Variants in MACROD2 observed in about 807,000 individuals in gnomAD.
MACROD2 encodes mono-ADP ribosylhydrolase 2.
Under a neutral mutation model 70.4 loss-of-function variants are expected in MACROD2, and 36 were observed. The observed-to-expected ratio is 0.51, with a 90% confidence interval of 0.39 to 0.68. The LOEUF (loss-of-function observed/expected upper bound fraction) is 0.68. Ranked by LOEUF, MACROD2 falls within the 30% of genes least tolerant of loss-of-function variation. The pLI, the probability that MACROD2 is intolerant of heterozygous loss-of-function variation, is 0.00. For missense variants in MACROD2, 496 were observed against 538.4 expected, an observed-to-expected ratio of 0.92 and a Z score of 0.78; for synonymous variants, 172 against 178.8, an observed-to-expected ratio of 0.96 and a Z score of 0.30.
At chr20:15,136,851 C>T (rs2076151944) in intron 5 of MACROD2, among the ~76,000 whole-genome samples, 1 of 150,634 alleles carries the variant, frequency 6.6e-6, no homozygotes, top group Non-Finnish European at 1.5e-5. Flanking sequence ...ACAATGAACT[C>T]AAACAAATTT....
At position 14,845,592 on chromosome 20, in the gene MACROD2, C is replaced by A. The variant is rs533624600; in HGVS notation, c.418+160633C>A. ...CCAGCAAACCCAATTACTCTCCCAG[C>A]AATGCACTTCAAAGGAGAGCAGAAT... On this transcript the variant is annotated intron_variant, in intron 5 of 17. Transcript: ENST00000684519. 8.1e-4 allele frequency among the ~76,000 whole-genome samples: 123 copies of A among 152,156 alleles called. 1 individual carries two copies. Among genetic ancestry groups the A allele is most frequent in the Non-Finnish European group, 1.4e-3 (96 of 68,002 alleles).
At chr20:14,252,610 C>A (rs1200122718) in intron 3 of MACROD2, among the ~76,000 whole-genome samples, 3 of 151,904 alleles carry the variant, frequency 2.0e-5, no homozygotes, top group Non-Finnish European at 4.4e-5. Flanking sequence ...ATTTTGAACT[C>A]CTAGAACAGA....
At chr20:15,455,903 C>T (rs1014318238) in intron 7 of MACROD2, among the ~76,000 whole-genome samples, 3 of 152,076 alleles carry the variant, frequency 2.0e-5, no homozygotes, top group African/African-American at 7.2e-5. Flanking sequence ...CTTCATAAAT[C>T]TGTAAAATAA....
chr20:15,789,352 G>A (rs1041270814), intron 8 of MACROD2, among the ~76,000 whole-genome samples: 7 of 152,056 alleles, frequency 4.6e-5, no homozygotes, highest in Non-Finnish European at 8.8e-5. Context: ...TAATTACGGC[G>A]GCACATGATT....
rs539409015 is a variant in MACROD2, at chr20:14,712,507, G to A, written c.418+27548G>A. ...GCCCTGCATACCTATAGTTCTTAAG[G>A]GAATAGTCACTGTTGAGACATTTAG... On this transcript the variant is annotated intron_variant, in intron 5 of 17. Coordinates refer to ENST00000684519, the MANE Select transcript of MACROD2 (RefSeq NM_001351661.2). 7.9e-5 allele frequency among the ~76,000 whole-genome samples: 12 copies of A among 152,202 alleles called. No individual in the cohort carries two copies. The East Asian group carries it at 2.3e-3, about 29-fold the overall frequency.
chr20:15,515,459 T>C (rs1365029472), intron 8 of MACROD2, among the ~76,000 whole-genome samples: 1 of 152,226 alleles, frequency 6.6e-6, no homozygotes, highest in African/African-American at 2.4e-5. Context: ...TACTGCATCT[T>C]TGGTGAATTT....
At chr20:15,210,552 GTTTTTTTT>G (rs11333280) in intron 5 of MACROD2, among the ~76,000 whole-genome samples, 2 of 121,652 alleles carry the variant, frequency 1.6e-5, no homozygotes, top group Admixed American at 1.6e-4. Context: ...CTTTTCTTCT[GTTTTTTTT>G]TTTTTTTTTG....
At chr20:15,379,040 A>T (rs1211882218) in intron 6 of MACROD2, among the ~76,000 whole-genome samples, 1 of 152,234 alleles carries the variant, frequency 6.6e-6, no homozygotes, top group East Asian at 1.9e-4. Context: ...TACATGTTTA[A>T]TTCTCATAAT....
chr20:13,995,867 G>A lies in MACROD2; in HGVS notation c.46+58G>A. 1 of 1,476,372 alleles carries A rather than the reference G, an allele frequency of 6.8e-7. No homozygotes were observed. The highest frequency in any genetic ancestry group is 9.2e-7 in the Non-Finnish European group (1 of 1,081,802). 91.5% of individuals were successfully genotyped at this position (1,476,372 alleles called of 1,614,324 possible). Reference sequence around the variant, plus strand: ...CGGTGGGGGTTAGGGTGGGGGCGGGGGTCAGGCTGTGTGTGCCGCGGCGCC... The same window carrying A: ...CGGTGGGGGTTAGGGTGGGGGCGGGAGTCAGGCTGTGTGTGCCGCGGCGCC... On this transcript the variant is annotated intron_variant, in intron 1 of 17. Coordinates refer to ENST00000684519, the MANE Select transcript of MACROD2 (RefSeq NM_001351661.2). This position sits in a 1 kb window ranked among gnomAD's most constrained non-coding sequence, Gnocchi z 4.3.
intron 8 of MACROD2, among the ~76,000 whole-genome samples, chr20:15,638,156 A>G (rs925751473): frequency 6.6e-6 from 1 of 152,180 alleles, no homozygotes; most frequent in Non-Finnish European, 1.5e-5. Context: ...TTTGGCTCTG[A>G]CATGAAGAAA....
intron 6 of MACROD2, among the ~76,000 whole-genome samples, chr20:15,253,814 G>A (rs2077175728): frequency 6.6e-6 from 1 of 152,134 alleles, no homozygotes; most frequent in South Asian, 2.1e-4. Context: ...ATGAGAATTG[G>A]AATATTACTT....
intron 4 of MACROD2, among the ~76,000 whole-genome samples, chr20:14,584,450 C>T (rs964385): frequency 0.64 from 97,591 of 151,914 alleles, 32,904 homozygotes; most frequent in East Asian, 0.93. Context: ...AAGGTGTGGG[C>T]CAATTCAGTT....
At chr20:14,241,208 G>A (rs1159506723) in intron 3 of MACROD2, among the ~76,000 whole-genome samples, 5 of 152,184 alleles carry the variant, frequency 3.3e-5, no homozygotes, top group Non-Finnish European at 4.4e-5. Context: ...TATATTAATA[G>A]GTATGTGATG....
At chr20:14,309,848 A>G (rs1450003555) in intron 3 of MACROD2, among the ~76,000 whole-genome samples, 1 of 152,302 alleles carries the variant, frequency 6.6e-6, no homozygotes, top group East Asian at 1.9e-4. Context: ...AACATTTGCT[A>G]TGCTATAGTT....
intron 3 of MACROD2, among the ~76,000 whole-genome samples, chr20:14,424,994 C>A (rs2083917741): frequency 6.6e-6 from 1 of 152,158 alleles, no homozygotes; most frequent in Admixed American, 6.5e-5. Flanking sequence ...TTTAATTCAC[C>A]TTGTTTCTGT....
At chr20:15,006,313 T>C (rs866449479) in intron 5 of MACROD2, among the ~76,000 whole-genome samples, 4 of 151,852 alleles carry the variant, frequency 2.6e-5, no homozygotes, top group African/African-American at 7.3e-5. Flanking sequence ...GCTGAATTCA[T>C]AGAAACAGAC....
chr20:15,138,688 G>A (rs1424103274), intron 5 of MACROD2, among the ~76,000 whole-genome samples: 2 of 152,178 alleles, frequency 1.3e-5, no homozygotes, highest in East Asian at 3.8e-4. Flanking sequence ...TTTGTTTTAT[G>A]TAGAGTGTGG....
At chr20:14,512,261 C>G (rs1282036634) in intron 4 of MACROD2, among the ~76,000 whole-genome samples, 1 of 152,082 alleles carries the variant, frequency 6.6e-6, no homozygotes, top group Non-Finnish European at 1.5e-5. Context: ...AGCGGGTGGT[C>G]CTGTTTCTTA....
At chr20:15,689,903 G>T (rs375989965) in intron 8 of MACROD2, among the ~76,000 whole-genome samples, 2 of 152,324 alleles carry the variant, frequency 1.3e-5, no homozygotes, top group East Asian at 3.9e-4. Flanking sequence ...AAAAGGTGTT[G>T]TCCTCTGTGA....
Sources: allele counts gnomAD v4.1 joint callset (sites outside exome capture counted in the v4.1 genomes callset), GRCh38; gene constraint gnomAD v4.1.1; non-coding constraint Gnocchi (gnomAD v3.1); transcripts MANE v1.5; gene names NCBI Gene and HGNC (gene_info 2026-07-23, HGNC 2026-07-21).